The following TEX15 variants were observed in gnomAD, a reference collection of about 807,000 sequenced individuals.
TEX15 encodes the protein testis expressed 15, meiosis and synapsis associated.
In TEX15, 171 loss-of-function variants were observed where a neutral mutation model predicts 237.3. The ratio of observed to expected loss-of-function variants is 0.72; its 90% CI spans 0.64 to 0.82. TEX15 has a LOEUF of 0.82. Ranked by LOEUF, TEX15 falls within the 40% of genes least tolerant of loss-of-function variation. The pLI, the probability that TEX15 is intolerant of heterozygous loss-of-function variation, is 0.00. For missense variants in TEX15, 3,750 were observed against 3,646.5 expected (o/e 1.03, Z -0.73); for synonymous variants, 1,338 against 1,269.8 (o/e 1.05, Z -1.14).
chr8:30,869,689 T>C (rs529438333), intron 4 of TEX15, among the ~76,000 whole-genome samples: 5 of 152,010 alleles, frequency 3.3e-5, no homozygotes, highest in African/African-American at 7.2e-5. Flanking sequence ...TAAAGCTAGC[T>C]TGGGGAGACA....
chr8:30,878,984 A>G (rs2128774179), intron 3 of TEX15, among the ~76,000 whole-genome samples: 1 of 152,324 alleles, frequency 6.6e-6, no homozygotes, highest in East Asian at 1.9e-4. Context: ...ACAAGTATAT[A>G]GTTACATCTC....
chr8:30,872,350 T>A (rs559075798), intron 4 of TEX15, among the ~76,000 whole-genome samples: 12 of 152,264 alleles, frequency 7.9e-5, no homozygotes, highest in Non-Finnish European at 1.3e-4. Context: ...GCATAATGCA[T>A]CACTTTCATG....
Position 30,875,143 on chromosome 8 carries a change from C to T in TEX15, c.137-41G>A, listed in dbSNP as rs773790241. The T allele has an allele frequency of 5.4e-5, 63 of 1,172,640 alleles. No individual in the cohort carries two copies. In the African/African-American group the frequency reaches 9.2e-4, roughly 17 times the overall value. 72.6% of individuals were successfully genotyped at this position (1,172,640 alleles called of 1,614,324 possible). On this transcript the variant is annotated intron_variant, in intron 3 of 10. Coordinates refer to ENST00000643185, the MANE Select transcript of TEX15 (RefSeq NM_001350162.2). ...GAGAAAGCAGTTGTATTTAAAATGA[C>T]ATTATTGGACATCTGTACAATGACA...
Position 30,848,650 on chromosome 8 carries a change from G to A in TEX15, c.1517C>T (p.Ser506Leu). ...GCCCATGTTGTGAGCCCAAGATTGT[G>A]AATCATTAACAGAAGTTTTAAAGCA... Reference protein sequence around the residue: ...TPCFKTSVNDSQSWAHNMGSE... With the variant: ...TPCFKTSVNDLQSWAHNMGSE... The change falls in exon 8 of 11, where the codon TCA becomes TTA. Residue 506 changes from serine (S) to leucine (L), a missense_variant. By Grantham distance (145) the Ser-to-Leu change is moderately radical (BLOSUM62 -2). Coordinates refer to ENST00000643185, the MANE Select transcript of TEX15 (RefSeq NM_001350162.2). The A allele has an allele frequency of 6.2e-7, 1 of 1,614,160 alleles. No homozygotes were observed. Among genetic ancestry groups the A allele is most frequent in the African/African-American group, 1.3e-5 (1 of 75,046 alleles).
rs552928331 is a variant in TEX15, at chr8:30,833,127, T to C, written c.*159A>G. 68 of 549,478 alleles carry C rather than the reference T, an allele frequency of 1.2e-4. No homozygotes were observed. Among genetic ancestry groups the C allele is most frequent in the African/African-American group, 1.2e-3 (62 of 51,862 alleles). The allele number at this position is 549,478 out of a possible 1,614,324, so 34.0% of individuals were successfully genotyped here. A position where few individuals can be genotyped will look rare whatever the true frequency, so the allele number is the denominator to read the frequency against. On this transcript the variant is annotated 3_prime_UTR_variant, in exon 11 of 11. Transcript: ENST00000643185. ...TGTTAGAAATTGATGTCCTATATGA[T>C]ATGTGTTAGATTATTTGTATATTTT...
rs371854155 is a variant in TEX15 at position 30,845,360 on chromosome 8, C to T, written c.4807G>A (p.Glu1603Lys). Residue 1603 changes from glutamate to lysine, a missense_variant, in exon 8 of 11, where the codon GAA becomes AAA. Coordinates refer to ENST00000643185, the MANE Select transcript of TEX15 (RefSeq NM_001350162.2). The stretch of plus-strand genomic sequence containing the variant: ...ACTTCATTAGCGTCACAACTGTTTT[C>T]TTTAGTTGCATCTTTAACATTATGA... ...ANHNVKDATK[E>K]NSCDANEVIN... 149 of 1,611,540 alleles carry T rather than the reference C, an allele frequency of 9.2e-5. No individual in the cohort carries two copies. The highest frequency in any genetic ancestry group is 1.2e-4 in the Non-Finnish European group (143 of 1,178,466).
intron 3 of TEX15, among the ~76,000 whole-genome samples, chr8:30,883,907 T>C (rs1464865025): frequency 1.3e-5 from 2 of 152,212 alleles, no homozygotes; most frequent in African/African-American, 4.8e-5. Flanking sequence ...CTGGTTCTGA[T>C]CCTTGAGGAA....
At chr8:30,911,671 G>A (rs1003251097) in intron 1 of TEX15, among the ~76,000 whole-genome samples, 40 of 152,118 alleles carry the variant, frequency 2.6e-4, no homozygotes, top group African/African-American at 9.4e-4. Context: ...AGGGAACCGT[G>A]GTATCTTCAA....
At chr8:30,864,419 A>G (rs1808113857) in intron 5 of TEX15, among the ~76,000 whole-genome samples, 1 of 151,908 alleles carries the variant, frequency 6.6e-6, no homozygotes, top group South Asian at 2.1e-4. Context: ...GAAGGCTGAA[A>G]ACTTCCCAAA....
At position 30,860,059 on chromosome 8, in the gene TEX15, T is replaced by TA. The variant is rs35279485; in HGVS notation, c.541-3dup. ...TTTCTTCACTTTTCCAAAGAGAACC[T>TA]AAAAAAAAAAAAGCCAAAAAAAAAG... is the stretch of plus-strand genomic sequence containing the variant. On this transcript the variant is annotated splice_region_variant and splice_polypyrimidine_tract_variant and intron_variant, in intron 5 of 10. Coordinates refer to ENST00000643185, the MANE Select transcript of TEX15 (RefSeq NM_001350162.2). 0.078 allele frequency: 85,771 copies of TA among 1,105,160 alleles called. 639 individuals are homozygous for TA. Among genetic ancestry groups the TA allele is most frequent in the Admixed American group, 0.2 (5,544 of 27,062 alleles). The allele number at this position is 1,105,160 out of a possible 1,614,324, so 68.5% of individuals were successfully genotyped here.
intron 3 of TEX15, among the ~76,000 whole-genome samples, chr8:30,883,447 T>G (rs552776430): frequency 6.6e-6 from 1 of 152,144 alleles, no homozygotes; most frequent in Non-Finnish European, 1.5e-5. Flanking sequence ...CATAGATGTA[T>G]GTGTGCCATG....
At position 30,844,072 on chromosome 8, in the gene TEX15, TC is replaced by T; in HGVS notation, c.6094del (p.Glu2032LysfsTer15). The T allele has an allele frequency of 6.2e-7, 1 of 1,612,022 alleles. No individual in the cohort carries two copies. Among genetic ancestry groups the T allele is most frequent in the Non-Finnish European group, 8.5e-7 (1 of 1,179,274 alleles). ...ACATTCTTGCTTTCTTTCAAAAGCT[TC>T]CACAAATAAAGGGAGAATATTTAGA... ...VCLNILPLFV[E>X]AFERKQECSV... On this transcript the variant is annotated frameshift_variant, in exon 8 of 11. Transcript: ENST00000643185. LOFTEE classifies it high-confidence loss of function.
intron 1 of TEX15, among the ~76,000 whole-genome samples, chr8:30,909,743 G>T (rs1687010829): frequency 6.6e-6 from 1 of 152,072 alleles, no homozygotes; most frequent in South Asian, 2.1e-4. Context: ...AATCACCACA[G>T]AACATCAATT....
At chr8:30,881,255 ATAT>A (rs904296592) in intron 3 of TEX15, among the ~76,000 whole-genome samples, 33 of 152,158 alleles carry the variant, frequency 2.2e-4, no homozygotes, top group African/African-American at 7.7e-4. Context: ...TATTAATCTC[ATAT>A]TATTATTCTC....
chr8:30,871,083 CTCTCTGA>C (rs1054863164), intron 4 of TEX15, among the ~76,000 whole-genome samples: 2 of 152,066 alleles, frequency 1.3e-5, no homozygotes, highest in African/African-American at 4.8e-5. Context: ...TTCATCTCTG[CTCTCTGA>C]TCCATTCTTC....
At chr8:30,863,666 C>T (rs1808097710) in intron 5 of TEX15, among the ~76,000 whole-genome samples, 1 of 151,106 alleles carries the variant, frequency 6.6e-6, no homozygotes, top group African/African-American at 2.4e-5. Flanking sequence ...ATTTTGCAGC[C>T]AGACATAAAA....
intron 2 of TEX15, among the ~76,000 whole-genome samples, chr8:30,892,866 T>C (rs1307099481): frequency 6.6e-6 from 1 of 151,932 alleles, no homozygotes; most frequent in Non-Finnish European, 1.5e-5. Context: ...ACCCCGTCTC[T>C]ACTAAAAATG....
At chr8:30,858,005 A>G (rs1807946866) in intron 7 of TEX15, among the ~76,000 whole-genome samples, 1 of 152,156 alleles carries the variant, frequency 6.6e-6, no homozygotes, top group Non-Finnish European at 1.5e-5. Context: ...TTCTATGGAA[A>G]AATTCTTGCA....
Position 30,881,610 on chromosome 8 carries a change from CTTTTTA to C in TEX15, c.136+5551_136+5556del, listed in dbSNP as rs1320092228. Among the ~76,000 whole-genome samples, 64 of 109,464 alleles carry C rather than the reference CTTTTTA, an allele frequency of 5.8e-4. 2 individuals carry two copies. In the East Asian group the frequency reaches 0.012, roughly 20 times the overall value. 71.8% of individuals were successfully genotyped at this position (109,464 alleles called of 152,430 possible). ...TTCATTAATTATCCTTCCATCTTGA[CTTTTTA>C]TTTTTTTTTATTATTTTTTTTTTTT... On this transcript the variant is annotated intron_variant, in intron 3 of 10. Transcript: ENST00000643185.
Sources: allele counts gnomAD v4.1 joint callset (sites outside exome capture counted in the v4.1 genomes callset), GRCh38; gene constraint gnomAD v4.1.1; transcripts MANE v1.5; gene names NCBI Gene and HGNC (gene_info 2026-07-23, HGNC 2026-07-21).